Variants in NRXN1 observed in about 807,000 individuals in gnomAD.
NRXN1 encodes the protein neurexin 1.
Under a neutral mutation model 150.9 loss-of-function variants are expected in NRXN1, and 39 were observed. That is an observed-to-expected ratio of 0.26 (90% confidence interval 0.20 to 0.34). NRXN1 has a LOEUF of 0.34. Among genes scored for constraint, NRXN1 ranks in the 10% least tolerant of loss-of-function variants. The probability of loss-of-function intolerance (pLI) is 1.00; values close to 1 mark genes in which losing one functional copy is unlikely to be tolerated. For synonymous variants in NRXN1, 924 were observed against 757.0 expected (o/e 1.22, Z -3.62); for missense variants, 1,815 against 1,949.9 (o/e 0.93, Z 1.30).
intron 8 of NRXN1, among the ~76,000 whole-genome samples, chr2:50,581,366 G>T (rs981279674): frequency 6.6e-6 from 1 of 152,114 alleles, no homozygotes; most frequent in Admixed American, 6.6e-5. Context: ...CACTCATATT[G>T]CTATTCCCAC....
chr2:50,983,154 TATAA>T (rs1213911119), intron 2 of NRXN1, among the ~76,000 whole-genome samples: 1 of 152,088 alleles, frequency 6.6e-6, no homozygotes, highest in Non-Finnish European at 1.5e-5. Context: ...CTAGATATAG[TATAA>T]ATATTTTGGC....
chr2:50,734,892 C>G (rs1337156953), intron 5 of NRXN1, among the ~76,000 whole-genome samples: 1 of 152,032 alleles, frequency 6.6e-6, no homozygotes, highest in African/African-American at 2.4e-5. Context: ...TTCAACATAT[C>G]CAAATGTCAA....
chr2:50,473,822 AC>A (rs1420687578), intron 15 of NRXN1, among the ~76,000 whole-genome samples: 1 of 151,996 alleles, frequency 6.6e-6, no homozygotes, highest in East Asian at 1.9e-4. Context: ...CACCCATTAA[AC>A]AGTAATAAGC....
intron 17 of NRXN1, among the ~76,000 whole-genome samples, chr2:50,409,612 A>G (rs1412554014): frequency 6.6e-6 from 1 of 152,210 alleles, no homozygotes; most frequent in African/African-American, 2.4e-5. Context: ...TATACTCAAG[A>G]TGAGGATTTT....
intron 2 of NRXN1, among the ~76,000 whole-genome samples, chr2:51,010,065 C>A (rs1170419641): frequency 6.6e-6 from 1 of 151,878 alleles, no homozygotes; most frequent in Admixed American, 6.6e-5. Flanking sequence ...ACGTTTAAGA[C>A]AGAATGTTCA....
chr2:50,410,181 C>T (rs903153998), intron 17 of NRXN1, among the ~76,000 whole-genome samples: 1 of 152,016 alleles, frequency 6.6e-6, no homozygotes, highest in Non-Finnish European at 1.5e-5. Flanking sequence ...AAGCCCTTCA[C>T]CAGGATAGAG....
At chr2:50,380,319 C>T (rs2080863795) in intron 17 of NRXN1, among the ~76,000 whole-genome samples, 1 of 151,240 alleles carries the variant, frequency 6.6e-6, no homozygotes, top group Admixed American at 6.6e-5. Flanking sequence ...TATTTTTTTT[C>T]CCAAGAGAAT....
At chr2:50,476,359 C>G (rs2089985311) in intron 15 of NRXN1, among the ~76,000 whole-genome samples, 1 of 152,100 alleles carries the variant, frequency 6.6e-6, no homozygotes, top group Non-Finnish European at 1.5e-5. Flanking sequence ...TTTTCTCTGT[C>G]TACAAACCCT....
chr2:50,661,709 A>C (rs1465247578), intron 5 of NRXN1, among the ~76,000 whole-genome samples: 2 of 152,036 alleles, frequency 1.3e-5, no homozygotes, highest in Non-Finnish European at 2.9e-5. Context: ...CTTCCTTCTA[A>C]AATAACTTTA....
At chr2:50,403,393 A>C (rs2082528675) in intron 17 of NRXN1, among the ~76,000 whole-genome samples, 1 of 152,092 alleles carries the variant, frequency 6.6e-6, no homozygotes, top group African/African-American at 2.4e-5. Context: ...AAACCTACTA[A>C]ATCAGAATCT....
chr2:50,791,137 T>TA (rs143234044), intron 5 of NRXN1, among the ~76,000 whole-genome samples: 3,662 of 148,284 alleles, frequency 0.025, 141 homozygotes, highest in East Asian at 0.21. Context: ...TTTTTTTTTT[T>TA]AAAAAAAAAG....
chr2:50,521,687 G>T (rs1226975228), intron 12 of NRXN1, among the ~76,000 whole-genome samples: 3 of 152,058 alleles, frequency 2.0e-5, no homozygotes, highest in Non-Finnish European at 4.4e-5. Flanking sequence ...AATTCTCATG[G>T]GTATTTTATA....
intron 5 of NRXN1, among the ~76,000 whole-genome samples, chr2:50,891,634 G>A (rs1433564372): frequency 6.6e-6 from 1 of 151,990 alleles, no homozygotes; most frequent in Non-Finnish European, 1.5e-5. Flanking sequence ...AAAATCACAT[G>A]CCAAGGCTAG....
intron 17 of NRXN1, among the ~76,000 whole-genome samples, chr2:50,418,397 T>G (rs908293822): frequency 1.1e-4 from 16 of 152,068 alleles, no homozygotes; most frequent in Admixed American, 4.6e-4. Context: ...CACAGCTGTT[T>G]TATTTTAGAT....
intron 18 of NRXN1, among the ~76,000 whole-genome samples, chr2:50,192,765 C>T (rs953951944): frequency 2.0e-5 from 3 of 152,080 alleles, no homozygotes; most frequent in African/African-American, 7.2e-5. Context: ...CACCACCACT[C>T]CCGGCTAATT....
chr2:50,385,643 T>C (rs1041699069), intron 17 of NRXN1, among the ~76,000 whole-genome samples: 6 of 152,138 alleles, frequency 3.9e-5, no homozygotes, highest in African/African-American at 1.4e-4. Context: ...CTGATTCCCT[T>C]TCTAGGAAAC....
At chr2:50,844,897 A>G (rs1012277602) in intron 5 of NRXN1, among the ~76,000 whole-genome samples, 16 of 151,874 alleles carry the variant, frequency 1.1e-4, no homozygotes, top group Admixed American at 9.8e-4. Flanking sequence ...TCTGTTGTTC[A>G]GGCTGGAGTG....
intron 21 of NRXN1, among the ~76,000 whole-genome samples, chr2:49,963,792 G>A (rs992144302): frequency 1.3e-5 from 2 of 152,128 alleles, no homozygotes; most frequent in Non-Finnish European, 2.9e-5. Context: ...ATTAAATGAC[G>A]AATCTCTTTC....
chr2:50,321,997 G>C (rs9678781), intron 17 of NRXN1, among the ~76,000 whole-genome samples: 18,577 of 149,182 alleles, frequency 0.12, 1,272 homozygotes, highest in African/African-American at 0.16. Context: ...TAGCAAAGTG[G>C]TCTACCTGTG....
Sources: allele counts gnomAD v4.1 joint callset (sites outside exome capture counted in the v4.1 genomes callset), GRCh38; gene constraint gnomAD v4.1.1; transcripts MANE v1.5; gene names NCBI Gene and HGNC (gene_info 2026-07-23, HGNC 2026-07-21).